TBC1D2B: variants seen among roughly 807,000 people sequenced by gnomAD.
TBC1D2B encodes the protein TBC1 domain family member 2B, also known as TBC1 domain family, member 2B.
Under a neutral mutation model 100.8 loss-of-function variants are expected in TBC1D2B, and 64 were observed. That is an observed-to-expected ratio of 0.64 (90% CI 0.52 to 0.78). The LOEUF (loss-of-function observed/expected upper bound fraction) is 0.78, where lower values mean the gene tolerates loss of function less well. Ranked by LOEUF, TBC1D2B falls within the 30% of genes least tolerant of loss-of-function variation. TBC1D2B has a pLI of 0.00. For missense variants in TBC1D2B, 1,052 were observed against 1,218.4 expected, an observed-to-expected ratio of 0.86 and a Z score of 2.03; for synonymous variants, 480 against 479.7, an observed-to-expected ratio of 1.00 and a Z score of -0.01.
At chr15:78,044,871 A>G (rs1348031419) in intron 3 of TBC1D2B, 29 bp downstream of exon 3, 2 of 1,556,442 alleles carry the variant, frequency 1.3e-6, no homozygotes, top group East Asian at 2.3e-5. Context: ...CCCATTTTCA[A>G]TTTCATATGC....
intron 2 of TBC1D2B, among the ~76,000 whole-genome samples, chr15:78,049,033 G>C (rs1338716832): frequency 6.6e-6 from 1 of 152,252 alleles, no homozygotes; most frequent in Non-Finnish European, 1.5e-5. Context: ...GAGGAAGACA[G>C]GGTGGGTTTA....
rs180991953 is a variant in TBC1D2B at position 78,030,181 on chromosome 15, A to C, written c.684-11T>G. On this transcript the variant is annotated splice_polypyrimidine_tract_variant and intron_variant, in intron 3 of 12. Transcript: ENST00000300584. ...GAAGACATCGAATTCCTGTTGGGAA[A>C]AACAATATGTGTTATTAACAAAAAC... 454 of 1,607,262 alleles carry C rather than the reference A, an allele frequency of 2.8e-4. 1 individual carries two copies. The African/African-American group carries it at 4.4e-3, about 15-fold the overall frequency.
chr15:78,074,675 A>G (rs2073799567), intron 1 of TBC1D2B, among the ~76,000 whole-genome samples: 2 of 152,230 alleles, frequency 1.3e-5, no homozygotes, highest in Non-Finnish European at 2.9e-5. Flanking sequence ...TCAGCCCCAT[A>G]AAGCTCTTCC....
chr15:78,047,732 A>G (rs1395572101), intron 2 of TBC1D2B, among the ~76,000 whole-genome samples: 1 of 152,202 alleles, frequency 6.6e-6, no homozygotes, highest in African/African-American at 2.4e-5. Context: ...GAACCCAGAC[A>G]CCTGCCCCTG....
At chr15:78,012,001 C>T (rs62011476) in intron 9 of TBC1D2B, among the ~76,000 whole-genome samples, 8,167 of 152,218 alleles carry the variant, frequency 0.054, 278 homozygotes, top group Middle Eastern at 0.13. Context: ...TTTCAAACTC[C>T]CGGGCTCAAG....
chr15:78,044,049 A>G (rs914420671), intron 3 of TBC1D2B, among the ~76,000 whole-genome samples: 2 of 151,650 alleles, frequency 1.3e-5, no homozygotes, highest in African/African-American at 4.8e-5. Flanking sequence ...AACCCACCAA[A>G]AAACAAATTC....
chr15:78,018,047 C>G, intron 6 of TBC1D2B, 90 bp from the exon 7 acceptor site: 2 of 646,134 alleles, frequency 3.1e-6, no homozygotes, highest in Admixed American at 6.3e-5. Context: ...GCTGCTTCAC[C>G]AATCAAATAG....
intron 3 of TBC1D2B, among the ~76,000 whole-genome samples, chr15:78,041,263 C>T (rs372409050): frequency 2.6e-5 from 4 of 152,296 alleles, no homozygotes; most frequent in African/African-American, 9.6e-5. Flanking sequence ...GTAAATATCT[C>T]ATTGAATTAC....
At chr15:78,027,123 C>T (rs1426935495) in intron 4 of TBC1D2B, among the ~76,000 whole-genome samples, 1 of 151,270 alleles carries the variant, frequency 6.6e-6, no homozygotes, top group African/African-American at 2.4e-5. Flanking sequence ...TATATACTCA[C>T]ATTATAAAGA....
At chr15:78,022,529 A>G (rs187466134) in intron 6 of TBC1D2B, among the ~76,000 whole-genome samples, 1 of 147,496 alleles carries the variant, frequency 6.8e-6, no homozygotes, top group Admixed American at 7.1e-5. Context: ...AAAAACAAAC[A>G]AACAAAAACC....
intron 2 of TBC1D2B, among the ~76,000 whole-genome samples, chr15:78,047,720 C>T (rs2073227193): frequency 6.6e-6 from 1 of 152,200 alleles, no homozygotes; most frequent in Admixed American, 6.5e-5. Flanking sequence ...GAGCCAGGGC[C>T]AGAACCCAGA....
intron 10 of TBC1D2B, among the ~76,000 whole-genome samples, chr15:78,007,216 C>T (rs569812222): frequency 3.5e-4 from 54 of 152,302 alleles, no homozygotes; most frequent in African/African-American, 1.2e-3. Flanking sequence ...GCCCTGGCAG[C>T]GTTCGAAGGC....
intron 3 of TBC1D2B, among the ~76,000 whole-genome samples, chr15:78,039,833 G>A (rs1036757015): frequency 1.3e-5 from 2 of 151,634 alleles, no homozygotes; most frequent in Non-Finnish European, 2.9e-5. Context: ...TAAGTCACTA[G>A]CTCAACATCA....
intron 12 of TBC1D2B, among the ~76,000 whole-genome samples, chr15:77,999,646 C>T (rs149368995): frequency 0.03 from 4,492 of 152,264 alleles, 244 homozygotes; most frequent in African/African-American, 0.1. Flanking sequence ...GTCCTTTCTC[C>T]CCAACAGCTG....
At chr15:78,040,629 A>AG in intron 3 of TBC1D2B, among the ~76,000 whole-genome samples, 1 of 97,046 alleles carries the variant, frequency 1.0e-5, no homozygotes, top group Admixed American at 1.2e-4. Context: ...AGAGAGAGAG[A>AG]AAGAAAAAGA....
chr15:78,045,749 G>A (rs1454408236), intron 2 of TBC1D2B, among the ~76,000 whole-genome samples: 1 of 152,122 alleles, frequency 6.6e-6, no homozygotes, highest in Non-Finnish European at 1.5e-5. Context: ...AGTAATATTT[G>A]CTTCAGGTAA....
At chr15:78,020,845 G>A (rs2072498586) in intron 6 of TBC1D2B, among the ~76,000 whole-genome samples, 1 of 152,240 alleles carries the variant, frequency 6.6e-6, no homozygotes, top group Non-Finnish European at 1.5e-5. Context: ...TGAGCTGGAA[G>A]AAGGAGAAGC....
At chr15:78,055,538 G>T (rs1679957926) in intron 1 of TBC1D2B, among the ~76,000 whole-genome samples, 1 of 152,156 alleles carries the variant, frequency 6.6e-6, no homozygotes, top group Admixed American at 6.5e-5. Flanking sequence ...AGGCAGTGAA[G>T]AAAATGGCTC....
intron 3 of TBC1D2B, among the ~76,000 whole-genome samples, chr15:78,040,540 A>AC (rs2073049552): frequency 2.0e-5 from 3 of 151,280 alleles, no homozygotes. Context: ...CAAAGTAGAG[A>AC]CCCTGTCTCA....
Sources: allele counts gnomAD v4.1 joint callset (sites outside exome capture counted in the v4.1 genomes callset), GRCh38; gene constraint gnomAD v4.1.1; transcripts MANE v1.5; gene names NCBI Gene and HGNC (gene_info 2026-07-23, HGNC 2026-07-21).